The following KAT7 variants were observed in gnomAD, a reference collection of about 807,000 sequenced individuals.
KAT7 encodes lysine acetyltransferase 7.
In KAT7, 10 loss-of-function variants were observed where a neutral mutation model predicts 82.1. The ratio of observed to expected loss-of-function variants is 0.12; its 90% CI spans 0.08 to 0.21. KAT7 has a LOEUF of 0.21. KAT7 is among the 10% of genes least tolerant of loss of function. The pLI is 1.00. For synonymous variants in KAT7, 250 were observed against 262.5 expected (o/e 0.95, Z 0.46); for missense variants, 378 against 760.9 (o/e 0.50, Z 5.92).
chr17:49,813,228 C>T (rs1443914899), intron 7 of KAT7, among the ~76,000 whole-genome samples: 1 of 151,952 alleles, frequency 6.6e-6, no homozygotes, highest in East Asian at 1.9e-4. Context: ...CTTTGTGTCC[C>T]TCTGTACCCA....
chr17:49,809,529 A>G (rs964455285), intron 6 of KAT7, among the ~76,000 whole-genome samples: 10 of 152,096 alleles, frequency 6.6e-5, no homozygotes, highest in African/African-American at 2.4e-4. Flanking sequence ...GTAGCTTTCA[A>G]ACCTCTCCAC....
At position 49,833,652 on chromosome 17, in the gene KAT7, C is replaced by T. The variant is rs2074441412; in HGVS notation, c.*6150C>T. 6.6e-6 allele frequency: 1 copy of T among 152,172 alleles called. No individual in the cohort carries two copies. The highest frequency in any genetic ancestry group is 2.1e-4 in the South Asian group (1 of 4,830). 9.4% of individuals were successfully genotyped at this position (152,172 alleles called of 1,614,324 possible). On this transcript the variant is annotated 3_prime_UTR_variant, in exon 15 of 15. Transcript: ENST00000259021. Reference sequence around the variant, plus strand: ...CGATGCATAGGAGAACCAAGGTGCTCTAGTCACAGCACTAAAAGCCCAGAC... The same window carrying T: ...CGATGCATAGGAGAACCAAGGTGCTTTAGTCACAGCACTAAAAGCCCAGAC...
chr17:49,820,476 A>G (rs2074288926), intron 9 of KAT7, among the ~76,000 whole-genome samples: 1 of 151,992 alleles, frequency 6.6e-6, no homozygotes, highest in African/African-American at 2.4e-5. Flanking sequence ...ACGGGGTTTC[A>G]CCATGTTGGC....
At chr17:49,796,346 C>T (rs2073955639) in intron 2 of KAT7, among the ~76,000 whole-genome samples, 1 of 152,224 alleles carries the variant, frequency 6.6e-6, no homozygotes, top group South Asian at 2.1e-4. Context: ...CTCTGTACCA[C>T]GGATCATGTT....
rs1228990734 is a variant in KAT7, at chr17:49,821,203, G to A, written c.1156-134G>A. 4.9e-6 allele frequency: 3 copies of A among 609,440 alleles called. No homozygotes were observed. In the African/African-American group the frequency reaches 5.6e-5, roughly 11 times the overall value. The allele number at this position is 609,440 out of a possible 1,614,324, so 37.8% of individuals were successfully genotyped here. ...TTTATGGAAATAAAATCTCTGTTTT[G>A]CTGTATGTTCTCAGCTTGTCCAACT... On this transcript the variant is annotated intron_variant, in intron 9 of 14. Coordinates refer to ENST00000259021, the MANE Select transcript of KAT7 (RefSeq NM_007067.5).
chr17:49,809,105 G>A lies in KAT7; in HGVS notation c.664-14G>A, dbSNP rs1424186664. 1.1e-5 allele frequency: 17 copies of A among 1,608,410 alleles called. No homozygotes were observed. The highest frequency in any genetic ancestry group is 4.4e-5 in the South Asian group (4 of 90,954). On this transcript the variant is annotated splice_polypyrimidine_tract_variant and intron_variant, in intron 5 of 14. Transcript: ENST00000259021. ...AGAAGCAGGTGGATTTATTGACGTT[G>A]TTGATGGTTGCAGGTGAGAGCACAG...
In KAT7 at chr17:49,832,754, A is replaced by G. The variant is rs1026738284; in HGVS notation, c.*5252A>G. On this transcript the variant is annotated 3_prime_UTR_variant, in exon 15 of 15. Coordinates refer to ENST00000259021, the MANE Select transcript of KAT7 (RefSeq NM_007067.5). ...TACCTCTTGTGTCTCACAGGTGCAC[A>G]TATGTACAGCATATCAAAGTGTTGA... 6 of 152,364 alleles carry G rather than the reference A, an allele frequency of 3.9e-5. No individual in the cohort carries two copies. Among genetic ancestry groups the G allele is most frequent in the Non-Finnish European group, 8.8e-5 (6 of 68,044 alleles). 9.4% of individuals were successfully genotyped at this position (152,364 alleles called of 1,614,324 possible). A position where few individuals can be genotyped will look rare whatever the true frequency, so the allele number is the denominator to read the frequency against.
intron 8 of KAT7, 105 bp downstream of exon 8, chr17:49,816,018 T>A: frequency 1.5e-6 from 1 of 662,034 alleles, no homozygotes; most frequent in Admixed American, 2.5e-5. Context: ...TGTACCTTGC[T>A]TCTGGAATCT....
At chr17:49,823,734 A>G (rs1426937550) in intron 12 of KAT7, 1 of 154,840 alleles carries the variant, frequency 6.5e-6, no homozygotes, top group Admixed American at 6.3e-5. Context: ...CTTACTCACT[A>G]AATTTTATTT....
intron 2 of KAT7, among the ~76,000 whole-genome samples, chr17:49,793,150 T>G (rs1229870009): frequency 6.6e-6 from 1 of 152,210 alleles, no homozygotes; most frequent in Non-Finnish European, 1.5e-5. Flanking sequence ...TTTCAACTTA[T>G]GATAGTTTTA....
At chr17:49,811,169 C>T (rs1181952845) in intron 6 of KAT7, among the ~76,000 whole-genome samples, 1 of 151,144 alleles carries the variant, frequency 6.6e-6, no homozygotes, top group Non-Finnish European at 1.5e-5. Context: ...AGTGCAGTGG[C>T]ATGACTGGCT....
At position 49,797,046 on chromosome 17, in the gene KAT7, G is replaced by C. The variant is rs553165492; in HGVS notation, c.340+120G>C. 1.1e-3 allele frequency: 796 copies of C among 756,184 alleles called. 19 individuals carry two copies. The South Asian group carries it at 0.014, about 13-fold the overall frequency. 46.8% of individuals were successfully genotyped at this position (756,184 alleles called of 1,614,324 possible). On this transcript the variant is annotated intron_variant, in intron 3 of 14. Transcript: ENST00000259021. ...TACTTCAGCTAGATGAATGCTGTTT[G>C]CTTGCTTCCTTTCTTATGTCTTTTT...
intron 4 of KAT7, among the ~76,000 whole-genome samples, chr17:49,802,101 G>C (rs1007657048): frequency 3.3e-5 from 5 of 152,136 alleles, no homozygotes; most frequent in Non-Finnish European, 7.4e-5. Flanking sequence ...CTTTTTAAAA[G>C]ATACAGAGAA....
At chr17:49,798,705 T>TA (rs988393407) in intron 4 of KAT7, 147 bp downstream of exon 4, 1 of 726,422 alleles carries the variant, frequency 1.4e-6, no homozygotes, top group Admixed American at 2.7e-5. Context: ...CTCACTTGAA[T>TA]AAAAGCATTT....
intron 2 of KAT7, among the ~76,000 whole-genome samples, chr17:49,796,073 CTCAGGTTGGAGA>C (rs2073952240): frequency 6.6e-6 from 1 of 151,520 alleles, no homozygotes; most frequent in African/African-American, 2.4e-5. Context: ...TTCCTTTGTC[CTCAGGTTGGAGA>C]TATAAAAGGG....
At position 49,833,053 on chromosome 17, in the gene KAT7, G is replaced by A. The variant is rs985524039; in HGVS notation, c.*5551G>A. On this transcript the variant is annotated 3_prime_UTR_variant, in exon 15 of 15. Transcript: ENST00000259021. ...GTCACCAAGAAGGAAACAAAGGATT[G>A]CCCAGCGATGAGAAATGTCCCTGGT... 6.6e-6 allele frequency: 1 copy of A among 152,174 alleles called. No individual in the cohort carries two copies. The highest frequency in any genetic ancestry group is 1.5e-5 in the Non-Finnish European group (1 of 68,044). The allele number at this position is 152,174 out of a possible 1,614,324, so 9.4% of individuals were successfully genotyped here. A position where few individuals can be genotyped will look rare whatever the true frequency, so the allele number is the denominator to read the frequency against.
At chr17:49,810,110 TAAG>T (rs369959107) in intron 6 of KAT7, among the ~76,000 whole-genome samples, 10 of 152,186 alleles carry the variant, frequency 6.6e-5, no homozygotes, top group African/African-American at 2.2e-4. Flanking sequence ...TCTTTGTTAA[TAAG>T]AAGAGGTGAA....
Position 49,800,480 on chromosome 17 carries a change from C to T in KAT7, c.580+1922C>T, listed in dbSNP as rs181773107. 4.1e-4 allele frequency among the ~76,000 whole-genome samples: 63 copies of T among 152,246 alleles called. No homozygotes were observed. The East Asian group carries it at 0.01, about 24-fold the overall frequency. ...AAACTAAGAAAGACAATATATTACA[C>T]TAGTAGATGATATGATGGCTAATGT... On this transcript the variant is annotated intron_variant, in intron 4 of 14. Transcript: ENST00000259021.
chr17:49,812,786 C>T (rs550679452), intron 7 of KAT7, among the ~76,000 whole-genome samples: 1 of 152,142 alleles, frequency 6.6e-6, no homozygotes, highest in East Asian at 1.9e-4. Flanking sequence ...TCACTGTAAC[C>T]TCTGCCTCCT....
Sources: allele counts gnomAD v4.1 joint callset (sites outside exome capture counted in the v4.1 genomes callset), GRCh38; gene constraint gnomAD v4.1.1; transcripts MANE v1.5; gene names NCBI Gene and HGNC (gene_info 2026-07-23, HGNC 2026-07-21).